FGF18: variants seen among roughly 807,000 people sequenced by gnomAD.
FGF18 encodes fibroblast growth factor 18.
A neutral mutation model predicts 23.0 loss-of-function variants in FGF18; 5 were observed. That is an observed-to-expected ratio of 0.22 (90% CI 0.11 to 0.46). The LOEUF (loss-of-function observed/expected upper bound fraction) is 0.46. FGF18 is among the 20% of genes least tolerant of loss of function. The pLI is 0.99. For synonymous variants in FGF18, 117 were observed against 118.9 expected (o/e 0.98, Z 0.10); for missense variants, 180 against 291.6 (o/e 0.62, Z 2.79).
chr5:171,447,520 C>T (rs1772436145), intron 3 of FGF18, among the ~76,000 whole-genome samples: 1 of 152,200 alleles, frequency 6.6e-6, no homozygotes, highest in Non-Finnish European at 1.5e-5. Context: ...GTGCCTCCCC[C>T]TGTTTCTAGA....
rs78924701 is a variant in FGF18, at chr5:171,422,480, A to C, written c.69+2037A>C. On this transcript the variant is annotated intron_variant, in intron 2 of 4. Transcript: ENST00000274625. ...GAGGTCCCTGAAACACTGCACAAAA[A>C]TGGTGCTCAAATGTGCTGTGTCTGG... is the stretch of plus-strand genomic sequence containing the variant. 3.0e-4 allele frequency among the ~76,000 whole-genome samples: 45 copies of C among 152,270 alleles called. No individual in the cohort carries two copies. The East Asian group carries it at 8.3e-3, about 28-fold the overall frequency.
In FGF18 at chr5:171,420,113, G is replaced by T; in HGVS notation, c.-87G>T. The T allele has an allele frequency of 8.6e-7, 1 of 1,162,774 alleles. No homozygotes were observed. The highest frequency in any genetic ancestry group is 1.1e-6 in the Non-Finnish European group (1 of 911,298). 72.0% of individuals were successfully genotyped at this position (1,162,774 alleles called of 1,614,324 possible). A position where few individuals can be genotyped will look rare whatever the true frequency, so the allele number is the denominator to read the frequency against. Reference sequence around the variant, plus strand: ...CAGCAGCAGCGGCGGCGGCGGCGGCGGCGGCGGCGGAGGCGCCCGGTCCCG... The same window carrying T: ...CAGCAGCAGCGGCGGCGGCGGCGGCTGCGGCGGCGGAGGCGCCCGGTCCCG... On this transcript the variant is annotated 5_prime_UTR_variant, in exon 1 of 5. Transcript: ENST00000274625.
intron 3 of FGF18, among the ~76,000 whole-genome samples, chr5:171,443,120 T>C (rs1293800356): frequency 6.6e-6 from 1 of 151,096 alleles, no homozygotes; most frequent in Non-Finnish European, 1.5e-5. Context: ...AAATGAGATA[T>C]TCCACATTCA....
In FGF18 at chr5:171,449,400, T is replaced by TGTGTGTGAGA. The variant is rs1458322429; in HGVS notation, c.357+148_357+149insTGTGTGAGAG. 4.5e-3 allele frequency: 1,648 copies of TGTGTGTGAGA among 362,700 alleles called. 11 individuals are homozygous for TGTGTGTGAGA. Among genetic ancestry groups the TGTGTGTGAGA allele is most frequent in the Non-Finnish European group, 6.3e-3 (1,161 of 185,202 alleles). 22.5% of individuals were successfully genotyped at this position (362,700 alleles called of 1,614,324 possible). Reference sequence around the variant, plus strand: ...GTGTGTGTGTGTGTGTGTGTGTGTGTGAGAGAGAGAGAGAGAGAGAGAGAC... The same window carrying TGTGTGTGAGA: ...GTGTGTGTGTGTGTGTGTGTGTGTGTGTGTGTGAGAGAGAGAGAGAGAGAGAGAGAGAGAC... On this transcript the variant is annotated intron_variant, in intron 4 of 4. Transcript: ENST00000274625.
intron 4 of FGF18, among the ~76,000 whole-genome samples, chr5:171,450,631 C>T (rs1772485101): frequency 6.6e-6 from 1 of 152,236 alleles, no homozygotes; most frequent in Non-Finnish European, 1.5e-5. Context: ...TAGTAATCCG[C>T]AGAGCGCGGC....
chr5:171,422,775 C>T (rs1772034480), intron 2 of FGF18, among the ~76,000 whole-genome samples: 3 of 152,110 alleles, frequency 2.0e-5, no homozygotes, highest in South Asian at 4.1e-4. Flanking sequence ...TGAGCCGGGG[C>T]CAGGGAGGCC....
intron 4 of FGF18, among the ~76,000 whole-genome samples, chr5:171,450,854 G>T (rs970212981): frequency 6.6e-6 from 1 of 151,824 alleles, no homozygotes; most frequent in Non-Finnish European, 1.5e-5. Flanking sequence ...TCTCCTGCCC[G>T]CCTGGGCCGC....
rs564824905 is a variant in FGF18 at position 171,441,418 on chromosome 5, A to G, written c.250+5145A>G. Among the ~76,000 whole-genome samples the G allele has an allele frequency of 2.0e-4, 31 of 152,258 alleles. 1 individual carries two copies. In the South Asian group the frequency reaches 2.5e-3, roughly 12 times the overall value. ...GCCTCTGCTCCTTGCTTACATGGCC[A>G]CAGCCACAGCAGCCTTCCGGGCATC... On this transcript the variant is annotated intron_variant, in intron 3 of 4. Coordinates refer to ENST00000274625, the MANE Select transcript of FGF18 (RefSeq NM_003862.3).
intron 2 of FGF18, among the ~76,000 whole-genome samples, chr5:171,422,848 T>C (rs769526233): frequency 6.6e-6 from 1 of 152,120 alleles, no homozygotes; most frequent in Non-Finnish European, 1.5e-5. Context: ...GAACCCCAGC[T>C]CCAGCTCCAT....
rs1370350729 is a variant in FGF18, at chr5:171,451,369, C to A, written c.357+2116C>A. ...GGCTTGACCTCTGCCCCGCCCAGCGCCCCCTCGCTCTCTGGCCCCCGAGGC... is the reference window on the plus strand; with the variant it reads ...GGCTTGACCTCTGCCCCGCCCAGCGACCCCTCGCTCTCTGGCCCCCGAGGC... On this transcript the variant is annotated intron_variant, in intron 4 of 4. Coordinates refer to ENST00000274625, the MANE Select transcript of FGF18 (RefSeq NM_003862.3). The surrounding 1 kb of genome is among the most constrained non-coding windows in gnomAD (Gnocchi z 4.5). Among the ~76,000 whole-genome samples the A allele has an allele frequency of 2.0e-5, 3 of 152,206 alleles. No individual in the cohort carries two copies. In the East Asian group the frequency reaches 5.8e-4, roughly 29 times the overall value.
intron 2 of FGF18, among the ~76,000 whole-genome samples, chr5:171,430,526 C>A (rs572574720): frequency 5.5e-5 from 8 of 144,586 alleles, no homozygotes; most frequent in Non-Finnish European, 1.0e-4. Context: ...CGGTGGCTCA[C>A]GCCTGTAATC....
intron 2 of FGF18, among the ~76,000 whole-genome samples, chr5:171,421,286 T>G (rs1439977405): frequency 6.6e-6 from 1 of 152,002 alleles, no homozygotes; most frequent in Non-Finnish European, 1.5e-5. Context: ...GGAGCCGACT[T>G]CAGCCCCGAT....
chr5:171,432,880 T>A (rs1772201678), intron 2 of FGF18, among the ~76,000 whole-genome samples: 1 of 152,252 alleles, frequency 6.6e-6, no homozygotes, highest in Non-Finnish European at 1.5e-5. Context: ...GTTTGCTGGT[T>A]GCCTTCTGAG....
intron 4 of FGF18, among the ~76,000 whole-genome samples, chr5:171,450,579 G>A (rs1772483794): frequency 6.6e-6 from 1 of 152,204 alleles, no homozygotes; most frequent in Non-Finnish European, 1.5e-5. Context: ...GATTCCAGCC[G>A]CACTGCCCAC....
In FGF18 at chr5:171,456,853, C is replaced by T. The variant is rs1207856214; in HGVS notation, c.*48C>T. ...GGTCGCCCTGGCCACACTCACACTCCCAGAAAACTGCATCAGAGGAATATT... is the reference window on the plus strand; with the variant it reads ...GGTCGCCCTGGCCACACTCACACTCTCAGAAAACTGCATCAGAGGAATATT... On this transcript the variant is annotated 3_prime_UTR_variant, in exon 5 of 5. Transcript: ENST00000274625. The surrounding 1 kb of genome is among the most constrained non-coding windows in gnomAD (Gnocchi z 6.1). 2 of 1,548,242 alleles carry T rather than the reference C, an allele frequency of 1.3e-6. No individual in the cohort carries two copies. The highest frequency in any genetic ancestry group is 1.7e-6 in the Non-Finnish European group (2 of 1,148,528).
In FGF18 at chr5:171,436,096, C is replaced by G. The variant is rs1239153876; in HGVS notation, c.73C>G (p.Leu25Val). The change falls in exon 3 of 5, where the codon CTG becomes GTG. Residue 25 changes from leucine (L) to valine (V), a missense_variant. Around this residue, in one of 3 missense-constraint regions of FGF18, gnomAD observed 57 missense variants for 59.8 expected, o/e 0.95. Transcript: ENST00000274625. This position sits in a 1 kb window ranked among gnomAD's most constrained non-coding sequence, Gnocchi z 4.4. ...FLLLCFQVQVLVAEENVDFRI... is the reference protein window; with the variant it reads ...FLLLCFQVQVVVAEENVDFRI... The stretch of plus-strand genomic sequence containing the variant: ...CTGTGTCCTTTTCCCTGCCCAGGTG[C>G]TGGTTGCCGAGGAGAACGTGGACTT... 6.5e-7 allele frequency: 1 copy of G among 1,547,180 alleles called. No homozygotes were observed. Among genetic ancestry groups the G allele is most frequent in the Non-Finnish European group, 8.8e-7 (1 of 1,140,460 alleles).
chr5:171,428,757 C>T (rs1772135315), intron 2 of FGF18, among the ~76,000 whole-genome samples: 1 of 152,158 alleles, frequency 6.6e-6, no homozygotes, highest in Non-Finnish European at 1.5e-5. Context: ...TTCTCCCTAC[C>T]CAGGGGCTTT....
Position 171,434,510 on chromosome 5 carries a change from C to A in FGF18, c.70-1583C>A, listed in dbSNP as rs143018368. Among the ~76,000 whole-genome samples the A allele has an allele frequency of 2.0e-5, 3 of 152,246 alleles. No homozygotes were observed. In the East Asian group the frequency reaches 5.8e-4, roughly 29 times the overall value. ...CATGGGCTGAGTGGGGGCGTGCCAG[C>A]GTGGGAATGGGGGTCCCTTGTGCCT... On this transcript the variant is annotated intron_variant, in intron 2 of 4. Coordinates refer to ENST00000274625, the MANE Select transcript of FGF18 (RefSeq NM_003862.3). This position sits in a 1 kb window ranked among gnomAD's most constrained non-coding sequence, Gnocchi z 4.6.
rs573026130 is a variant in FGF18 at position 171,451,717 on chromosome 5, C to G, written c.357+2464C>G. On this transcript the variant is annotated intron_variant, in intron 4 of 4. Transcript: ENST00000274625. This position sits in a 1 kb window ranked among gnomAD's most constrained non-coding sequence, Gnocchi z 4.5. ...CACCGAAGGCCCTGGGGAGCCTCCC[C>G]GGGCACATGGATTCCTTATGCTCCA... Among the ~76,000 whole-genome samples the G allele has an allele frequency of 3.9e-5, 6 of 152,320 alleles. No individual in the cohort carries two copies. The highest frequency in any genetic ancestry group is 3.9e-4 in the Admixed American group (6 of 15,312).
Sources: allele counts gnomAD v4.1 joint callset (sites outside exome capture counted in the v4.1 genomes callset), GRCh38; gene constraint gnomAD v4.1.1; regional missense constraint gnomAD v4.1.1; non-coding constraint Gnocchi (gnomAD v3.1); transcripts MANE v1.5; gene names NCBI Gene and HGNC (gene_info 2026-07-23, HGNC 2026-07-21).